The following NTHL1 variants were observed in gnomAD, a reference collection of about 807,000 sequenced individuals.
NTHL1 encodes the protein nth like DNA glycosylase 1.
Under a neutral mutation model 32.3 loss-of-function variants are expected in NTHL1, and 32 were observed. That is an observed-to-expected ratio of 0.99 (90% CI 0.75 to 1.33). The LOEUF (loss-of-function observed/expected upper bound fraction) is 1.33, where lower values mean the gene tolerates loss of function less well. Ranked by LOEUF, NTHL1 falls within the 40% of genes most tolerant of loss-of-function variation. NTHL1 has a pLI of 0.00. For synonymous variants in NTHL1, 188 were observed against 176.9 expected (o/e 1.06, Z -0.50); for missense variants, 501 against 414.1 (o/e 1.21, Z -1.82).
chr16:2,043,856 C>A lies in NTHL1; in HGVS notation c.526-130G>T. ...CTGAGGACGTGTGCAAGCTCAGCCC[C>A]CGCCCCCCAGGAGGCGGGAACAAGC... is the stretch of plus-strand genomic sequence containing the variant. On this transcript the variant is annotated intron_variant, in intron 3 of 5. Transcript: ENST00000651570. The surrounding 1 kb of genome is among the most constrained non-coding windows in gnomAD (Gnocchi z 4.4). The A allele has an allele frequency of 8.9e-7, 1 of 1,125,066 alleles. No homozygotes were observed. The highest frequency in any genetic ancestry group is 1.3e-6 in the Non-Finnish European group (1 of 776,656). 69.7% of individuals were successfully genotyped at this position (1,125,066 alleles called of 1,614,324 possible).
chr16:2,042,891 C>T (rs1446066704), intron 4 of NTHL1, among the ~76,000 whole-genome samples: 2 of 89,648 alleles, frequency 2.2e-5, no homozygotes, highest in East Asian at 7.0e-4. Flanking sequence ...CCCTCCTCCC[C>T]CATTCCCCCA....
rs566165031 is a variant in NTHL1 at position 2,047,831 on chromosome 16, T to C, written c.-8A>G. 3 of 1,594,566 alleles carry C rather than the reference T, an allele frequency of 1.9e-6. No homozygotes were observed. The South Asian group carries it at 3.4e-5, about 18-fold the overall frequency. ...CGCGCTCAAGGCGGTCATGCCGGACTCCTGCGGACTACACATCCCGGCGGC... is the reference window on the plus strand; with the variant it reads ...CGCGCTCAAGGCGGTCATGCCGGACCCCTGCGGACTACACATCCCGGCGGC... On this transcript the variant is annotated 5_prime_UTR_variant, in exon 1 of 6. Coordinates refer to ENST00000651570, the MANE Select transcript of NTHL1 (RefSeq NM_002528.7).
rs2150942248 is a variant in NTHL1 at position 2,044,670 on chromosome 16, G to A, written c.485C>T (p.Ala162Val). The A allele has an allele frequency of 6.2e-7, 1 of 1,610,474 alleles. No homozygotes were observed. Among genetic ancestry groups the A allele is most frequent in the Non-Finnish European group, 8.5e-7 (1 of 1,179,936 alleles). ...GGGGTAGATGAGCTTGCCCAGCGTG[G>A]CATCATCTGTCTGCAGGATGCTGTC... ...TVDSILQTDD[A>V]TLGKLIYPVG... The change falls in exon 3 of 6, where the codon GCC (alanine) becomes GTC (valine). Residue 162 changes from alanine (A) to valine (V), a missense_variant. Ala to Val is a moderately conservative substitution (Grantham distance 64). Transcript: ENST00000651570. The surrounding 1 kb of genome is among the most constrained non-coding windows in gnomAD (Gnocchi z 5.0).
chr16:2,046,472 G>A (rs906210858), intron 1 of NTHL1, 106 bp from the exon 2 acceptor site: 5 of 1,030,516 alleles, frequency 4.9e-6, no homozygotes, highest in Non-Finnish European at 7.1e-6. Flanking sequence ...TGCCACAACT[G>A]TCCATCATCT....
rs371249070 is a variant in NTHL1 at position 2,039,894 on chromosome 16, A to G, written c.*30T>C. On this transcript the variant is annotated 3_prime_UTR_variant, in exon 6 of 6. Transcript: ENST00000651570. ...AAGCCACTTCACAGACGGTGGCCAC[A>G]GCGGCACCTCGGCCAGAGCCATGCG... The G allele has an allele frequency of 8.0e-4, 1,274 of 1,598,562 alleles. No homozygotes were observed. The highest frequency in any genetic ancestry group is 1.0e-3 in the Non-Finnish European group (1,217 of 1,179,646).
intron 4 of NTHL1, chr16:2,042,189 C>T (rs1388195865): frequency 4.6e-6 from 2 of 437,440 alleles, no homozygotes; most frequent in East Asian, 7.1e-5. Context: ...CTTGTGCCCG[C>T]TGCTCCCAAA....
rs199698117 is a variant in NTHL1, at chr16:2,040,176, A to G, written c.748T>C (p.Ser250Pro). Residue 250 changes from serine (S) to proline (P), a missense_variant, in exon 5 of 6, where the codon TCC (serine) becomes CCC (proline). By Grantham distance (74) the Ser-to-Pro change is moderately conservative. Transcript: ENST00000651570. The part of the protein sequence containing the change: ...RLRWTKKATK[S>P]PEETRAALEE... ...AGGGCGGCGCGGGTCTCCTCTGGGG[A>G]CTTGGTTGCCTTCTTGGTCCACCTC... 1.2e-6 allele frequency: 2 copies of G among 1,613,736 alleles called. No homozygotes were observed. The highest frequency in any genetic ancestry group is 3.3e-5 in the Admixed American group (2 of 59,994).
chr16:2,040,891 G>T (rs965815668), intron 4 of NTHL1, among the ~76,000 whole-genome samples: 11 of 152,206 alleles, frequency 7.2e-5, no homozygotes, highest in Non-Finnish European at 1.6e-4. Flanking sequence ...TGCCTGGCAG[G>T]CCGGCATGAG....
Position 2,044,504 on chromosome 16 carries a change from CA to C in NTHL1, c.525+125del, listed in dbSNP as rs985198432. The C allele has an allele frequency of 2.3e-6, 3 of 1,311,330 alleles. No individual in the cohort carries two copies. The African/African-American group carries it at 4.3e-5, about 19-fold the overall frequency. 81.2% of individuals were successfully genotyped at this position (1,311,330 alleles called of 1,614,324 possible). On this transcript the variant is annotated intron_variant, in intron 3 of 5. Coordinates refer to ENST00000651570, the MANE Select transcript of NTHL1 (RefSeq NM_002528.7). This position sits in a 1 kb window ranked among gnomAD's most constrained non-coding sequence, Gnocchi z 5.0. Reference sequence around the variant, plus strand: ...GGGCCCCACGGCCTGGGGGGGGCTTCAGGGGGACCCCCCGAGCCTGAGATGC... The same window carrying C: ...GGGCCCCACGGCCTGGGGGGGGCTTCGGGGGACCCCCCGAGCCTGAGATGC...
intron 2 of NTHL1, among the ~76,000 whole-genome samples, 195 bp downstream of exon 2, chr16:2,045,933 C>T (rs1409371320): frequency 6.6e-6 from 1 of 152,188 alleles, no homozygotes; most frequent in Non-Finnish European, 1.5e-5. Context: ...AGTTCGAGCA[C>T]GAGGCCCTAA....
rs758969794 is a variant in NTHL1, at chr16:2,043,739, G to A, written c.526-13C>T. The A allele has an allele frequency of 1.9e-6, 3 of 1,610,720 alleles. No individual in the cohort carries two copies. The highest frequency in any genetic ancestry group is 8.5e-7 in the Non-Finnish European group (1 of 1,179,916). On this transcript the variant is annotated splice_polypyrimidine_tract_variant and intron_variant, in intron 3 of 5. Coordinates refer to ENST00000651570, the MANE Select transcript of NTHL1 (RefSeq NM_002528.7). The surrounding 1 kb of genome is among the most constrained non-coding windows in gnomAD (Gnocchi z 4.4). ...ATTTCACCTTGCTCTGAAAGACAGGGGTGGGTTCAGCCTTGGAGGCAAGGG... is the reference window on the plus strand; with the variant it reads ...ATTTCACCTTGCTCTGAAAGACAGGAGTGGGTTCAGCCTTGGAGGCAAGGG...
At position 2,046,298 on chromosome 16, in the gene NTHL1, C is replaced by T. The variant is rs368897948; in HGVS notation, c.184G>A (p.Gly62Ser). ...CCCTCACCTTTCTCACTGTCCGAGC[C>T]CTCATAGGCCACACGCAGTCTCTGT... ...KAQRLRVAYE[G>S]SDSEKGEGAE... is the part of the protein sequence containing the mutation. Residue 62 changes from glycine (G) to serine (S), a missense_variant, in exon 2 of 6, where the codon GGC becomes AGC. By Grantham distance (56) the Gly-to-Ser change is moderately conservative (BLOSUM62 0). Transcript: ENST00000651570. 2.6e-5 allele frequency: 42 copies of T among 1,613,028 alleles called. No individual in the cohort carries two copies. Among genetic ancestry groups the T allele is most frequent in the South Asian group, 5.5e-5 (5 of 91,092 alleles).
At chr16:2,041,566 C>T (rs1277983313) in intron 4 of NTHL1, among the ~76,000 whole-genome samples, 1 of 152,106 alleles carries the variant, frequency 6.6e-6, no homozygotes, top group East Asian at 1.9e-4. Flanking sequence ...CCTCAGCCTC[C>T]CGAGGAGCTG....
At position 2,040,078 on chromosome 16, in the gene NTHL1, C is replaced by CA. The variant is rs2084239566; in HGVS notation, c.792-32dup. 8 of 1,612,646 alleles carry CA rather than the reference C, an allele frequency of 5.0e-6. No individual in the cohort carries two copies. The East Asian group carries it at 1.8e-4, about 36-fold the overall frequency. On this transcript the variant is annotated intron_variant, in intron 5 of 5. Coordinates refer to ENST00000651570, the MANE Select transcript of NTHL1 (RefSeq NM_002528.7). The stretch of plus-strand genomic sequence containing the variant: ...GGGGTGGGGGCTGGGTCAGTGCTGA[C>CA]AGAGGGCGGGCGGGGTGAGCTCTTC...
intron 1 of NTHL1, 31 bp from the exon 2 acceptor site, chr16:2,046,397 G>A (rs551293402): frequency 3.8e-6 from 6 of 1,588,770 alleles, no homozygotes; most frequent in East Asian, 4.5e-5. Flanking sequence ...TCCCTCTGGT[G>A]GGGCCACAGG....
rs903028179 is a variant in NTHL1 at position 2,044,399 on chromosome 16, C to T, written c.525+231G>A. Among the ~76,000 whole-genome samples the T allele has an allele frequency of 6.6e-5, 10 of 151,966 alleles. No homozygotes were observed. Among genetic ancestry groups the T allele is most frequent in the African/African-American group, 1.9e-4 (8 of 41,364 alleles). ...GCGGTGAGGAAGGGTGGGCAGGCGG[C>T]GAGGCGGGGAAGCAGAGGAAGGAAG... On this transcript the variant is annotated intron_variant, in intron 3 of 5. Coordinates refer to ENST00000651570, the MANE Select transcript of NTHL1 (RefSeq NM_002528.7). The surrounding 1 kb of genome is among the most constrained non-coding windows in gnomAD (Gnocchi z 5.0).
Position 2,043,594 on chromosome 16 carries a change from C to T in NTHL1, c.658G>A (p.Val220Met), listed in dbSNP as rs2150941191. 1 of 1,609,266 alleles carries T rather than the reference C, an allele frequency of 6.2e-7. No individual in the cohort carries two copies. Among genetic ancestry groups the T allele is most frequent in the Admixed American group, 1.7e-5 (1 of 60,024 alleles). ...ATGCCTGACACAGTGCCCCAGGCCA[C>T]AGCCATAGCCAGGTGTGCCATCTTG... Reference protein sequence around the residue: ...GPKMAHLAMAVAWGTVSGIAV... With the variant: ...GPKMAHLAMAMAWGTVSGIAV... Residue 220 changes from valine (V) to methionine (M), a missense_variant, in exon 4 of 6, where the codon GTG (valine) becomes ATG (methionine). By Grantham distance (21) the Val-to-Met change is conservative. Coordinates refer to ENST00000651570, the MANE Select transcript of NTHL1 (RefSeq NM_002528.7). This position sits in a 1 kb window ranked among gnomAD's most constrained non-coding sequence, Gnocchi z 4.4.
rs766473490 is a variant in NTHL1 at position 2,043,579 on chromosome 16, C to G, written c.673G>C (p.Val225Leu). 1 of 1,607,960 alleles carries G rather than the reference C, an allele frequency of 6.2e-7. No homozygotes were observed. The highest frequency in any genetic ancestry group is 2.2e-5 in the East Asian group (1 of 44,874). The change falls in exon 4 of 6, where the codon GTG becomes CTG. Residue 225 changes from valine (V) to leucine (L), a missense_variant. Physicochemically the swap from Val to Leu is conservative, Grantham distance 32. Transcript: ENST00000651570. The surrounding 1 kb of genome is among the most constrained non-coding windows in gnomAD (Gnocchi z 4.4). ...HLAMAVAWGT[V>L]SGIAVDTHVH... ...CTCCTCTACTCACCAATGCCTGACA[C>G]AGTGCCCCAGGCCACAGCCATAGCC...
In NTHL1 at chr16:2,039,949, A is replaced by G. The variant is rs2150937774; in HGVS notation, c.890T>C (p.Leu297Pro). The G allele has an allele frequency of 1.2e-6, 2 of 1,605,736 alleles. No homozygotes were observed. Among genetic ancestry groups the G allele is most frequent in the South Asian group, 1.1e-5 (1 of 91,076 alleles). The change falls in exon 6 of 6, where the codon CTC (leucine) becomes CCC (proline). Residue 297 changes from leucine (L) to proline (P), a missense_variant. Coordinates refer to ENST00000651570, the MANE Select transcript of NTHL1 (RefSeq NM_002528.7). The part of the protein sequence containing the change: ...PRCHACLNQA[L>P]CPAAQGL ...TCAGAGACCCTGGGCGGCCGGGCAG[A>G]GGGCTTGGTTGAGGCAGGCGTGGCA...
Sources: allele counts gnomAD v4.1 joint callset (sites outside exome capture counted in the v4.1 genomes callset), GRCh38; gene constraint gnomAD v4.1.1; non-coding constraint Gnocchi (gnomAD v3.1); transcripts MANE v1.5; gene names NCBI Gene and HGNC (gene_info 2026-07-23, HGNC 2026-07-21).